ACE: variants seen among roughly 807,000 people sequenced by gnomAD.
ACE encodes angiotensin I converting enzyme.
Under a neutral mutation model 162.3 loss-of-function variants are expected in ACE, and 122 were observed. That is an observed-to-expected ratio of 0.75 (90% CI 0.65 to 0.87). The LOEUF (loss-of-function observed/expected upper bound fraction) is 0.87, where lower values mean the gene tolerates loss of function less well. Ranked by LOEUF, ACE falls within the 40% of genes least tolerant of loss-of-function variation. ACE has a pLI of 0.00. For missense variants in ACE, 1,799 were observed against 1,735.1 expected (o/e 1.04, Z -0.65); for synonymous variants, 796 against 720.6 (o/e 1.10, Z -1.68).
intron 15 of ACE, among the ~76,000 whole-genome samples, chr17:63,487,977 C>A (rs1323099233): frequency 6.6e-6 from 1 of 152,158 alleles, no homozygotes; most frequent in Non-Finnish European, 1.5e-5. Context: ...GCTCATGCCT[C>A]TAATCCCAGC....
rs778615098 is a variant in ACE at position 63,477,326 on chromosome 17, G to C, written c.232G>C (p.Glu78Gln). The C allele has an allele frequency of 2.6e-5, 36 of 1,369,152 alleles. No homozygotes were observed. Among genetic ancestry groups the C allele is most frequent in the Non-Finnish European group, 3.2e-5 (34 of 1,049,516 alleles). The allele number at this position is 1,369,152 out of a possible 1,614,324, so 84.8% of individuals were successfully genotyped here. A position where few individuals can be genotyped will look rare whatever the true frequency, so the allele number is the denominator to read the frequency against. The stretch of plus-strand genomic sequence containing the variant: ...GGCGCACGACACCAACATCACCGCG[G>C]AGAATGCAAGGCGCCAGGTGGGCGC... ...SWAHDTNITA[E>Q]NARRQEEAAL... The change falls in exon 1 of 25, where the codon GAG becomes CAG. Residue 78 changes from glutamate to glutamine, a missense_variant. Transcript: ENST00000290866.
chr17:63,483,573 A>ACCCCCCCCCCCC lies in ACE; in HGVS notation c.1586+19_1586+20insCCCCCCCCCCCC. On this transcript the variant is annotated intron_variant, in intron 10 of 24. Coordinates refer to ENST00000290866, the MANE Select transcript of ACE (RefSeq NM_000789.4). ...CCATACATCAGGTATTAGCGCCCCC[A>ACCCCCCCCCCCC]CCCCACCCACCCCCAGTACTGTCAC... is the stretch of plus-strand genomic sequence containing the variant. The ACCCCCCCCCCCC allele has an allele frequency of 1.4e-6, 1 of 703,002 alleles. No individual in the cohort carries two copies. The highest frequency in any genetic ancestry group is 2.0e-6 in the Non-Finnish European group (1 of 495,784). The allele number at this position is 703,002 out of a possible 1,614,324, so 43.5% of individuals were successfully genotyped here.
intron 23 of ACE, 59 bp downstream of exon 23, chr17:63,496,575 A>C: frequency 4.3e-6 from 7 of 1,612,258 alleles, no homozygotes; most frequent in Non-Finnish European, 5.9e-6. Flanking sequence ...CTGGGCCTTG[A>C]GGGGTCTGTC....
At chr17:63,496,310 T>C in intron 22 of ACE, 84 bp from the exon 23 acceptor site, 2 of 1,598,072 alleles carry the variant, frequency 1.3e-6, no homozygotes, top group South Asian at 2.2e-5. Context: ...ACACATCACA[T>C]GTGATGTGCA....
At chr17:63,485,873 A>G (rs1350550275) in intron 13 of ACE, 4 of 208,400 alleles carry the variant, frequency 1.9e-5, no homozygotes, top group African/African-American at 4.7e-5. Context: ...TGGGAGGCCT[A>G]GGTGGGAGGA....
rs752110462 is a variant in ACE, at chr17:63,483,465, A to G, written c.1493A>G (p.Lys498Arg). ...YNFDWWYLRT[K>R]YQGICPPVTR... The stretch of plus-strand genomic sequence containing the variant: ...ATTTAACCATCCTTTTCCAGAACCA[A>G]GTATCAGGGGATCTGTCCTCCTGTT... Residue 498 changes from lysine to arginine, a missense_variant, in exon 10 of 25, where the codon AAG (lysine) becomes AGG (arginine). Transcript: ENST00000290866. 5.0e-6 allele frequency: 8 copies of G among 1,613,554 alleles called. No homozygotes were observed. The Admixed American group carries it at 1.0e-4, about 20-fold the overall frequency.
chr17:63,482,955 G>A (rs180743408), intron 8 of ACE, 74 bp from the exon 9 acceptor site: 204 of 1,511,026 alleles, frequency 1.4e-4, no homozygotes, highest in Non-Finnish European at 1.7e-4. Flanking sequence ...CTGCTGCCCC[G>A]CCAGCCCACA....
In ACE at chr17:63,487,015, C is replaced by T. The variant is rs746590318; in HGVS notation, c.2247C>T (p.Thr749=). 1.2e-6 allele frequency: 2 copies of T among 1,613,902 alleles called. No homozygotes were observed. Among genetic ancestry groups the T allele is most frequent in the South Asian group, 2.2e-5 (2 of 91,074 alleles). Residue 749 remains threonine, a synonymous_variant, in exon 15 of 25, where the codon ACC becomes ACT. Coordinates refer to ENST00000290866, the MANE Select transcript of ACE (RefSeq NM_000789.4). ...EYNKILLDME[T]TYSVATVCHP... ...ACAAGATCCTGTTGGATATGGAAAC[C>T]ACCTACAGCGTGGCCACTGTGTGCC...
intron 21 of ACE, 87 bp from the exon 22 acceptor site, chr17:63,494,284 GT>G (rs2030589380): frequency 7.3e-7 from 1 of 1,361,212 alleles, no homozygotes; most frequent in Non-Finnish European, 1.0e-6. Flanking sequence ...ATAGCCCCAA[GT>G]GCAGGGACCC....
chr17:63,492,164 G>A (rs188847628), intron 19 of ACE, among the ~76,000 whole-genome samples: 49 of 152,270 alleles, frequency 3.2e-4, no homozygotes, highest in Admixed American at 2.3e-3. Flanking sequence ...AGGCTAGCTC[G>A]GGCGCCCTCC....
At position 63,493,340 on chromosome 17, in the gene ACE, G is replaced by T. The variant is rs1390845183; in HGVS notation, c.2913-96G>T. 5.9e-6 allele frequency: 7 copies of T among 1,193,956 alleles called. No homozygotes were observed. The East Asian group carries it at 7.0e-5, about 12-fold the overall frequency. The allele number at this position is 1,193,956 out of a possible 1,614,324, so 74.0% of individuals were successfully genotyped here. On this transcript the variant is annotated intron_variant, in intron 19 of 24. Coordinates refer to ENST00000290866, the MANE Select transcript of ACE (RefSeq NM_000789.4). Reference sequence around the variant, plus strand: ...GTCCCCTGCATGCTGCAGTGCTGGGGTCTGCCCTGGGTATAGCAAGGCCCA... The same window carrying T: ...GTCCCCTGCATGCTGCAGTGCTGGGTTCTGCCCTGGGTATAGCAAGGCCCA...
rs756178155 is a variant in ACE at position 63,488,722 on chromosome 17, G to A, written c.2380G>A (p.Ala794Thr). Reference sequence around the variant, plus strand: ...GGCATGGGAGGGCTGGCGAGACAAGGCGGGGAGAGCCATCCTCCAGTTTTA... The same window carrying A: ...GGCATGGGAGGGCTGGCGAGACAAGACGGGGAGAGCCATCCTCCAGTTTTA... ...LWAWEGWRDK[A>T]GRAILQFYPK... Residue 794 changes from alanine to threonine, a missense_variant, in exon 16 of 25, where the codon GCG (alanine) becomes ACG (threonine). By Grantham distance (58) the Ala-to-Thr change is moderately conservative (BLOSUM62 0). Transcript: ENST00000290866. 6.2e-7 allele frequency: 1 copy of A among 1,613,764 alleles called. No individual in the cohort carries two copies. The highest frequency in any genetic ancestry group is 1.3e-5 in the African/African-American group (1 of 74,918).
At position 63,484,362 on chromosome 17, in the gene ACE, G is replaced by A. The variant is rs768467806; in HGVS notation, c.1742G>A (p.Trp581Ter). The A allele has an allele frequency of 6.2e-7, 1 of 1,611,398 alleles. No individual in the cohort carries two copies. The highest frequency in any genetic ancestry group is 8.5e-7 in the Non-Finnish European group (1 of 1,179,868). The change falls in exon 12 of 25, where the codon TGG becomes TAG. Residue 581 changes from tryptophan (W) to a stop codon, truncating the protein, a stop_gained. Transcript: ENST00000290866. LOFTEE classifies it high-confidence loss of function. This position sits in a 1 kb window ranked among gnomAD's most constrained non-coding sequence, Gnocchi z 4.0. ...CTGCAGGCTGGCTCCTCCAGGCCCT[G>A]GCAGGAGGTGCTGAAGGACATGGTC... ...KVLQAGSSRP[W>*]QEVLKDMVGL...
At position 63,483,568 on chromosome 17, in the gene ACE, C is replaced by CGGGGGGGCCG; in HGVS notation, c.1586+10_1586+11insGGGGGGGCCG. The CGGGGGGGCCG allele has an allele frequency of 6.3e-7, 1 of 1,585,836 alleles. No individual in the cohort carries two copies. The highest frequency in any genetic ancestry group is 8.6e-7 in the Non-Finnish European group (1 of 1,159,944). ...TGACACCATACATCAGGTATTAGCGCCCCCACCCCACCCACCCCCAGTACT... is the reference window on the plus strand; with the variant it reads ...TGACACCATACATCAGGTATTAGCGCGGGGGGGCCGCCCCACCCCACCCACCCCCAGTACT... On this transcript the variant is annotated intron_variant, in intron 10 of 24. Coordinates refer to ENST00000290866, the MANE Select transcript of ACE (RefSeq NM_000789.4).
rs2049712159 is a variant in ACE at position 63,481,668 on chromosome 17, A to C, written c.1048A>C (p.Lys350Gln). The change falls in exon 7 of 25, where the codon AAG (lysine) becomes CAG (glutamine). Residue 350 changes from lysine (K) to glutamine (Q), a missense_variant. Physicochemically the swap from Lys to Gln is moderately conservative, Grantham distance 53 (BLOSUM62 1). Coordinates refer to ENST00000290866, the MANE Select transcript of ACE (RefSeq NM_000789.4). ...GTTCTGGGAAGGGTCGATGCTGGAG[A>C]AGCCGGCCGACGGGCGGGAAGTGGT... The part of the protein sequence containing the change: ...PEFWEGSMLE[K>Q]PADGREVVCH... The C allele has an allele frequency of 6.2e-7, 1 of 1,614,074 alleles. No homozygotes were observed. Among genetic ancestry groups the C allele is most frequent in the Non-Finnish European group, 8.5e-7 (1 of 1,180,018 alleles).
rs769710002 is a variant in ACE, at chr17:63,496,972, G to C, written c.3678G>C (p.Trp1226Cys). The change falls in exon 24 of 25, where the codon TGG becomes TGC. Residue 1226 changes from tryptophan (W) to cysteine (C), a missense_variant. By Grantham distance (215) the Trp-to-Cys change is radical (BLOSUM62 -2). Coordinates refer to ENST00000290866, the MANE Select transcript of ACE (RefSeq NM_000789.4). ...AGCTGGGCTGGCCGCAGTACAACTG[G>C]ACGCCGAACTCCGGTACCGCCACCC... is the stretch of plus-strand genomic sequence containing the variant. ...GEKLGWPQYN[W>C]TPNSARSEGP... is the part of the protein sequence containing the mutation. 1 of 1,611,454 alleles carries C rather than the reference G, an allele frequency of 6.2e-7. No homozygotes were observed. The highest frequency in any genetic ancestry group is 1.3e-5 in the African/African-American group (1 of 74,854).
intron 19 of ACE, among the ~76,000 whole-genome samples, chr17:63,492,904 G>A (rs1456831243): frequency 6.6e-6 from 1 of 152,180 alleles, no homozygotes; most frequent in Non-Finnish European, 1.5e-5. Context: ...GACGAGAGAC[G>A]GTAGAACCTT....
At chr17:63,486,007 T>C (rs747607048) in intron 13 of ACE, among the ~76,000 whole-genome samples, 1 of 152,132 alleles carries the variant, frequency 6.6e-6, no homozygotes, top group Non-Finnish European at 1.5e-5. Context: ...AAATAAGTGG[T>C]GCTCAAGTCG....
At position 63,481,317 on chromosome 17, in the gene ACE, A is replaced by G. The variant is rs900902089; in HGVS notation, c.945+129A>G. Reference sequence around the variant, plus strand: ...AGCAGCCTGGTGTGTCTGTAGGAGCAGTGAGCTGGGGTCGGCCCCCTCAGT... The same window carrying G: ...AGCAGCCTGGTGTGTCTGTAGGAGCGGTGAGCTGGGGTCGGCCCCCTCAGT... On this transcript the variant is annotated intron_variant, in intron 6 of 24. Coordinates refer to ENST00000290866, the MANE Select transcript of ACE (RefSeq NM_000789.4). 14 of 970,316 alleles carry G rather than the reference A, an allele frequency of 1.4e-5. No homozygotes were observed. In the African/African-American group the frequency reaches 2.3e-4, roughly 16 times the overall value. The allele number at this position is 970,316 out of a possible 1,614,324, so 60.1% of individuals were successfully genotyped here.
Sources: allele counts gnomAD v4.1 joint callset (sites outside exome capture counted in the v4.1 genomes callset), GRCh38; gene constraint gnomAD v4.1.1; non-coding constraint Gnocchi (gnomAD v3.1); transcripts MANE v1.5; gene names NCBI Gene and HGNC (gene_info 2026-07-23, HGNC 2026-07-21).